The following NRXN1 variants were observed in gnomAD, a reference collection of about 807,000 sequenced individuals.
NRXN1 encodes the protein neurexin 1, also known as neurexin-1.
A neutral mutation model predicts 150.9 loss-of-function variants in NRXN1; 39 were observed. The observed-to-expected ratio is 0.26, with a 90% CI of 0.20 to 0.34. The LOEUF is 0.34. Among genes scored for constraint, NRXN1 ranks in the 10% least tolerant of loss-of-function variants. NRXN1 has a pLI of 1.00. For synonymous variants in NRXN1, 924 were observed against 757.0 expected, an observed-to-expected ratio of 1.22 and a Z score of -3.62; for missense variants, 1,815 against 1,949.9, an observed-to-expected ratio of 0.93 and a Z score of 1.30.
At chr2:50,853,703 C>G (rs1056553784) in intron 5 of NRXN1, among the ~76,000 whole-genome samples, 2 of 152,054 alleles carry the variant, frequency 1.3e-5, no homozygotes, top group African/African-American at 4.8e-5. Context: ...CATGCATATC[C>G]CTTACTGGAT....
chr2:49,992,514 A>C (rs1408370739), intron 21 of NRXN1, among the ~76,000 whole-genome samples: 1 of 152,144 alleles, frequency 6.6e-6, no homozygotes, highest in Non-Finnish European at 1.5e-5. Context: ...TGGGAGGCGG[A>C]GGTTGCAGTG....
chr2:50,010,120 C>G (rs918609641), intron 21 of NRXN1, among the ~76,000 whole-genome samples: 54 of 150,842 alleles, frequency 3.6e-4, no homozygotes, highest in African/African-American at 1.3e-3. Flanking sequence ...TCCATTTTGT[C>G]CAAAAAGCAA....
At chr2:50,920,471 A>T (rs1277160825) in intron 5 of NRXN1, among the ~76,000 whole-genome samples, 1 of 151,766 alleles carries the variant, frequency 6.6e-6, no homozygotes, top group Non-Finnish European at 1.5e-5. Flanking sequence ...GTATATACTT[A>T]GAAATTGTGT....
chr2:50,954,667 C>T (rs1320912044), intron 2 of NRXN1, among the ~76,000 whole-genome samples: 1 of 152,176 alleles, frequency 6.6e-6, no homozygotes, highest in Admixed American at 6.5e-5. Flanking sequence ...GGAGGAATAA[C>T]CTTGGACAAA....
At chr2:50,939,629 A>G (rs1689104649) in intron 2 of NRXN1, among the ~76,000 whole-genome samples, 1 of 152,142 alleles carries the variant, frequency 6.6e-6, no homozygotes, top group Non-Finnish European at 1.5e-5. Context: ...CATTCTCAGG[A>G]TTTTGGTCCA....
chr2:50,357,298 ATTTATTTTTTTT>A (rs200674561), intron 17 of NRXN1, among the ~76,000 whole-genome samples: 3,840 of 150,592 alleles, frequency 0.025, 142 homozygotes, highest in East Asian at 0.12. Flanking sequence ...TTATTTATTT[ATTTATTTTTTTT>A]TTTATTTATT....
At chr2:50,412,440 G>A (rs551112687) in intron 17 of NRXN1, among the ~76,000 whole-genome samples, 97 of 151,690 alleles carry the variant, frequency 6.4e-4, no homozygotes, top group South Asian at 8.3e-4. Flanking sequence ...ATATACCAGG[G>A]CAAAAGTTAC....
At chr2:50,012,811 T>A (rs780229806) in intron 21 of NRXN1, among the ~76,000 whole-genome samples, 1 of 152,170 alleles carries the variant, frequency 6.6e-6, no homozygotes, top group Admixed American at 6.6e-5. Context: ...TCCATTTTTT[T>A]TATAATGTAG....
At chr2:50,786,803 C>A (rs573794471) in intron 5 of NRXN1, among the ~76,000 whole-genome samples, 1 of 152,224 alleles carries the variant, frequency 6.6e-6, no homozygotes, top group African/African-American at 2.4e-5. Flanking sequence ...ATAAGAATTA[C>A]AAATGGTAAA....
intron 17 of NRXN1, among the ~76,000 whole-genome samples, chr2:50,389,129 C>T (rs917893598): frequency 2.0e-5 from 3 of 151,862 alleles, no homozygotes; most frequent in African/African-American, 7.3e-5. Context: ...GACTGTACCA[C>T]TGTACTTGCT....
intron 18 of NRXN1, among the ~76,000 whole-genome samples, chr2:50,215,417 A>G (rs2063328161): frequency 6.6e-6 from 1 of 152,040 alleles, no homozygotes; most frequent in South Asian, 2.1e-4. Context: ...CCTGCTACCA[A>G]GTATAAATAT....
At chr2:50,051,670 A>T (rs939769518) in intron 21 of NRXN1, among the ~76,000 whole-genome samples, 2 of 152,120 alleles carry the variant, frequency 1.3e-5, no homozygotes, top group African/African-American at 4.8e-5. Context: ...AAGTGCTATG[A>T]TGTTATTGGC....
chr2:50,673,668 T>C (rs1199506426), intron 5 of NRXN1, among the ~76,000 whole-genome samples: 1 of 152,090 alleles, frequency 6.6e-6, no homozygotes, highest in Non-Finnish European at 1.5e-5. Flanking sequence ...GAAAAAGTAA[T>C]TTGTTGGGAA....
intron 2 of NRXN1, among the ~76,000 whole-genome samples, chr2:51,009,532 T>C (rs1558579543): frequency 6.6e-6 from 1 of 151,898 alleles, no homozygotes; most frequent in Non-Finnish European, 1.5e-5. Context: ...CATTGTCAAG[T>C]TCCATTATGC....
intron 5 of NRXN1, chr2:50,632,274 T>A (rs1170102038): frequency 6.6e-6 from 1 of 152,002 alleles, no homozygotes; most frequent in Non-Finnish European, 1.5e-5. Flanking sequence ...AATCTATAAT[T>A]TAATTTATGC....
chr2:50,071,129 G>A (rs1424782948), intron 19 of NRXN1, among the ~76,000 whole-genome samples: 1 of 152,174 alleles, frequency 6.6e-6, no homozygotes, highest in Non-Finnish European at 1.5e-5. Flanking sequence ...TCTACAGTTA[G>A]GCTGTGTCAT....
chr2:49,998,686 G>A (rs1236924413), intron 21 of NRXN1, among the ~76,000 whole-genome samples: 1 of 152,052 alleles, frequency 6.6e-6, no homozygotes, highest in Non-Finnish European at 1.5e-5. Context: ...AAAAAATAAT[G>A]TCATGGCTTT....
chr2:50,968,341 G>T (rs530451934), intron 2 of NRXN1, among the ~76,000 whole-genome samples: 1 of 152,072 alleles, frequency 6.6e-6, no homozygotes, highest in East Asian at 1.9e-4. Context: ...CATCTTCTCA[G>T]ATCTCCTACA....
chr2:50,001,321 T>G (rs6706613), intron 21 of NRXN1, among the ~76,000 whole-genome samples: 1 of 152,068 alleles, frequency 6.6e-6, no homozygotes, highest in Non-Finnish European at 1.5e-5. Flanking sequence ...CTGCTTACAT[T>G]GAAGACAATC....
Sources: gnomAD v4.1 joint callset for allele counts (sites outside exome capture counted in the v4.1 genomes callset) on GRCh38, gnomAD v4.1.1 for gene constraint, MANE v1.5 for transcripts, NCBI Gene and HGNC (gene_info 2026-07-23, HGNC 2026-07-21) for gene names.